ASTN1: variants seen among roughly 807,000 people sequenced by gnomAD.
ASTN1 encodes astrotactin 1, also known as astrotactin-1.
A neutral mutation model predicts 140.7 loss-of-function variants in ASTN1; 41 were observed. That is an observed-to-expected ratio of 0.29 (90% CI 0.23 to 0.38). The LOEUF (loss-of-function observed/expected upper bound fraction) is 0.38. Ranked by LOEUF, ASTN1 falls within the 10% of genes least tolerant of loss-of-function variation. ASTN1 has a pLI of 1.00. For missense variants in ASTN1, 1,479 were observed against 1,678.8 expected (o/e 0.88, Z 2.08); for synonymous variants, 640 against 652.2 (o/e 0.98, Z 0.29).
At chr1:176,999,882 A>G (rs1189501201) in intron 8 of ASTN1, among the ~76,000 whole-genome samples, 1 of 152,142 alleles carries the variant, frequency 6.6e-6, no homozygotes, top group Admixed American at 6.5e-5. Context: ...CCATGTTTAT[A>G]AGATTCCTGA....
chr1:177,163,484 T>A (rs1476805369), intron 1 of ASTN1, among the ~76,000 whole-genome samples: 3 of 152,054 alleles, frequency 2.0e-5, no homozygotes, highest in African/African-American at 7.2e-5. Flanking sequence ...ACAGGGATGA[T>A]TTGAAGTAAT....
chr1:177,085,413 C>T (rs1679415549), intron 1 of ASTN1, among the ~76,000 whole-genome samples: 1 of 152,116 alleles, frequency 6.6e-6, no homozygotes, highest in African/African-American at 2.4e-5. Flanking sequence ...TATATTTTGT[C>T]TTCCTGTTTA....
At chr1:176,954,305 G>C (rs1177324456) in intron 11 of ASTN1, among the ~76,000 whole-genome samples, 2 of 152,252 alleles carry the variant, frequency 1.3e-5, no homozygotes, top group Admixed American at 6.5e-5. Flanking sequence ...GAATTGGAGA[G>C]AGAGGGGGAT....
intron 8 of ASTN1, among the ~76,000 whole-genome samples, chr1:176,981,991 G>A (rs1052727622): frequency 1.1e-4 from 16 of 152,158 alleles, no homozygotes; most frequent in Non-Finnish European, 2.1e-4. Flanking sequence ...AAAGGCTTGC[G>A]AAGTCAACAG....
chr1:176,898,281 C>T (rs1344838627), intron 16 of ASTN1, among the ~76,000 whole-genome samples: 1 of 152,202 alleles, frequency 6.6e-6, no homozygotes, highest in Non-Finnish European at 1.5e-5. Context: ...TTCAGGTCCA[C>T]ATAAAAAGAG....
intron 16 of ASTN1, among the ~76,000 whole-genome samples, chr1:176,907,481 C>A (rs543339145): frequency 5.1e-4 from 78 of 152,320 alleles, no homozygotes; most frequent in African/African-American, 1.8e-3. Context: ...TCTGAACTGT[C>A]CTACAAGTAA....
chr1:177,041,510 CAGCCCTTCAAAACTTCACAAG>C (rs1246916981), intron 2 of ASTN1, among the ~76,000 whole-genome samples: 17 of 152,334 alleles, frequency 1.1e-4, no homozygotes, highest in Non-Finnish European at 2.2e-4. Flanking sequence ...CTGTGGGCAC[CAGCCCTTCAAAACTTCACAAG>C]CCAAGCATGA....
chr1:177,130,403 A>G lies in ASTN1; in HGVS notation c.283+33991T>C, dbSNP rs534363356. ...GAAATGAACAACAACAAAGTAAAAC[A>G]GTCTAGGATGATGACTCTATGGTAT... is the stretch of plus-strand genomic sequence containing the variant. On this transcript the variant is annotated intron_variant, in intron 1 of 22. Transcript: ENST00000361833. Among the ~76,000 whole-genome samples, 3 of 152,286 alleles carry G rather than the reference A, an allele frequency of 2.0e-5. No individual in the cohort carries two copies. The East Asian group carries it at 5.8e-4, about 29-fold the overall frequency.
intron 8 of ASTN1, among the ~76,000 whole-genome samples, chr1:176,997,292 G>A (rs1674500633): frequency 6.6e-6 from 1 of 152,160 alleles, no homozygotes; most frequent in Non-Finnish European, 1.5e-5. Flanking sequence ...GAGAACTTAT[G>A]TAATTTGTTC....
chr1:176,903,580 C>A (rs1429317210), intron 16 of ASTN1, among the ~76,000 whole-genome samples: 1 of 152,180 alleles, frequency 6.6e-6, no homozygotes, highest in Non-Finnish European at 1.5e-5. Flanking sequence ...CATTTTGAAA[C>A]CTTTCGTATG....
At chr1:176,991,795 T>A (rs776974999) in intron 8 of ASTN1, among the ~76,000 whole-genome samples, 2 of 152,216 alleles carry the variant, frequency 1.3e-5, no homozygotes, top group Non-Finnish European at 2.9e-5. Context: ...ATGTAGTCAT[T>A]CATTTGACCC....
At chr1:177,022,967 G>A (rs2101955502) in intron 7 of ASTN1, among the ~76,000 whole-genome samples, 1 of 152,236 alleles carries the variant, frequency 6.6e-6, no homozygotes, top group South Asian at 2.1e-4. Flanking sequence ...GAGACTGGAA[G>A]GGAGGACATT....
At chr1:176,917,157 TAGCCCCTGTCA>T (rs1242479426) in intron 16 of ASTN1, among the ~76,000 whole-genome samples, 40 of 152,322 alleles carry the variant, frequency 2.6e-4, no homozygotes, top group Admixed American at 2.6e-3. Flanking sequence ...AGGTCTCTGG[TAGCCCCTGTCA>T]TACCTCATTG....
At position 177,164,379 on chromosome 1, in the gene ASTN1, T is replaced by G. The variant is rs918400078; in HGVS notation, c.283+15A>C. 3 of 1,553,576 alleles carry G rather than the reference T, an allele frequency of 1.9e-6. No homozygotes were observed. The highest frequency in any genetic ancestry group is 2.8e-5 in the African/African-American group (2 of 72,244). ...TCCAGCGCCTCCGGCCGCCTCGACCTCCCCCGGGACTCACCCAGCACGAAG... is the reference window on the plus strand; with the variant it reads ...TCCAGCGCCTCCGGCCGCCTCGACCGCCCCCGGGACTCACCCAGCACGAAG... On this transcript the variant is annotated intron_variant, in intron 1 of 22. Coordinates refer to ENST00000361833, the MANE Select transcript of ASTN1 (RefSeq NM_004319.3).
intron 20 of ASTN1, among the ~76,000 whole-genome samples, chr1:176,878,461 G>A (rs1668656656): frequency 6.6e-6 from 1 of 152,066 alleles, no homozygotes; most frequent in Non-Finnish European, 1.5e-5. Context: ...ACAGCTTCTC[G>A]GTGGCAATGC....
rs765167016 is a variant in ASTN1 at position 176,945,953 on chromosome 1, G to A, written c.2222C>T (p.Ala741Val). ...GAATGTTCCTTTCAGCACCTGTCCG[G>A]CAGCCACTTCCTTGGAATGGTTGTT... Reference protein sequence around the residue: ...GYNNHSKEVAAGQVLKGTFRQ... With the variant: ...GYNNHSKEVAVGQVLKGTFRQ... The change falls in exon 13 of 23, where the codon GCC (alanine) becomes GTC (valine). Residue 741 changes from alanine (A) to valine (V), a missense_variant. Transcript: ENST00000361833. 6.2e-7 allele frequency: 1 copy of A among 1,612,058 alleles called. No homozygotes were observed. Among genetic ancestry groups the A allele is most frequent in the Middle Eastern group, 1.6e-4 (1 of 6,076 alleles).
intron 1 of ASTN1, among the ~76,000 whole-genome samples, chr1:177,106,589 T>C (rs1680553289): frequency 6.6e-6 from 1 of 152,168 alleles, no homozygotes; most frequent in Non-Finnish European, 1.5e-5. Flanking sequence ...TTGCTGAAAG[T>C]CCATTAAACA....
intron 3 of ASTN1, among the ~76,000 whole-genome samples, chr1:177,031,853 G>T (rs1676460115): frequency 6.6e-6 from 1 of 152,140 alleles, no homozygotes; most frequent in African/African-American, 2.4e-5. Context: ...CCCTAATCTT[G>T]TTCATCTGGA....
chr1:177,032,487 G>A lies in ASTN1; in HGVS notation c.834C>T (p.Cys278=). The change falls in exon 3 of 23, where the codon TGC becomes TGT. Residue 278 remains cysteine, a synonymous_variant. Coordinates refer to ENST00000361833, the MANE Select transcript of ASTN1 (RefSeq NM_004319.3). ...VTRTLDSLQG[C]NEKSGMDLTP... ...TGAGGTCCATCCCCGACTTTTCATT[G>A]CAGCCCTGCAGGGAGTCGAGGGTGC... is the stretch of plus-strand genomic sequence containing the variant. 1.2e-6 allele frequency: 2 copies of A among 1,614,066 alleles called. No homozygotes were observed. Among genetic ancestry groups the A allele is most frequent in the East Asian group, 4.5e-5 (2 of 44,874 alleles).
Sources: allele counts gnomAD v4.1 joint callset (sites outside exome capture counted in the v4.1 genomes callset), GRCh38; gene constraint gnomAD v4.1.1; transcripts MANE v1.5; gene names NCBI Gene and HGNC (gene_info 2026-07-23, HGNC 2026-07-21).